The following FAM221A variants were observed in gnomAD, a reference collection of about 807,000 sequenced individuals.
FAM221A encodes the protein protein FAM221A.
FAM221A carries 43 observed loss-of-function variants against 37.6 expected under a neutral mutation model. The ratio of observed to expected loss-of-function variants is 1.15; its 90% confidence interval spans 0.90 to 1.48. The LOEUF (loss-of-function observed/expected upper bound fraction) is 1.48, where lower values mean the gene tolerates loss of function less well. Ranked by LOEUF, FAM221A falls within the 40% of genes most tolerant of loss-of-function variation. The probability of loss-of-function intolerance (pLI) is 0.00; values close to 1 mark genes in which losing one functional copy is unlikely to be tolerated. For synonymous variants in FAM221A, 135 were observed against 132.9 expected, an observed-to-expected ratio of 1.02 and a Z score of -0.11; for missense variants, 361 against 361.5, an observed-to-expected ratio of 1.00 and a Z score of 0.01.
chr7:23,689,944 A>C (rs975001299), intron 3 of FAM221A, among the ~76,000 whole-genome samples: 1 of 151,392 alleles, frequency 6.6e-6, no homozygotes, highest in African/African-American at 2.4e-5. Flanking sequence ...TCCAACCTCT[A>C]CCCCCTTTGC....
chr7:23,700,791 A>G lies in FAM221A; in HGVS notation c.751A>G (p.Thr251Ala), dbSNP rs1584291717. ...SSPETLTDVG[T>A]SSQVSSLRRP... Reference sequence around the variant, plus strand: ...AGATTTTTTTTCCTTGTTAGTAGGTACAAGTAGTCAAGTTTCTTCATTAAG... The same window carrying G: ...AGATTTTTTTTCCTTGTTAGTAGGTGCAAGTAGTCAAGTTTCTTCATTAAG... Residue 251 changes from threonine (T) to alanine (A), a missense_variant, in exon 6 of 7, where the codon ACA (threonine) becomes GCA (alanine). By Grantham distance (58) the Thr-to-Ala change is moderately conservative. Transcript: ENST00000344962. 1 of 1,595,276 alleles carries G rather than the reference A, an allele frequency of 6.3e-7. No homozygotes were observed. Among genetic ancestry groups the G allele is most frequent in the Non-Finnish European group, 8.5e-7 (1 of 1,170,006 alleles).
chr7:23,693,439 T>C (rs1784863546), intron 4 of FAM221A: 1 of 152,138 alleles, frequency 6.6e-6, no homozygotes, highest in African/African-American at 2.4e-5. Context: ...CATTTCACTT[T>C]CTGTGAATTG....
At position 23,700,869 on chromosome 7, in the gene FAM221A, G is replaced by A. The variant is rs776535515; in HGVS notation, c.828+1G>A. On this transcript the variant is annotated splice_donor_variant, in intron 6 of 6. Transcript: ENST00000344962. LOFTEE classifies it high-confidence loss of function. ...CTTTGAAAGACGATACCAGGAAAGG[G>A]TAGGTTTTTGAGGAAATTCAGTTGC... 3 of 1,602,132 alleles carry A rather than the reference G, an allele frequency of 1.9e-6. No homozygotes were observed. The South Asian group carries it at 3.4e-5, about 18-fold the overall frequency.
At chr7:23,690,199 A>ATATATATATATATATATATATT (rs774313037) in intron 3 of FAM221A, among the ~76,000 whole-genome samples, 4 of 48,738 alleles carry the variant, frequency 8.2e-5, no homozygotes, top group Non-Finnish European at 1.1e-4. Context: ...ATATATATAT[A>ATATATATATATATATATATATT]TTTTTTTTTT....
At chr7:23,698,594 C>T (rs1785207623) in intron 5 of FAM221A, among the ~76,000 whole-genome samples, 1 of 152,092 alleles carries the variant, frequency 6.6e-6, no homozygotes, top group Non-Finnish European at 1.5e-5. Context: ...AATAAGAGGG[C>T]CTTCTGGCGG....
intron 2 of FAM221A, chr7:23,688,758 T>G (rs1472279470): frequency 6.6e-6 from 1 of 152,376 alleles, no homozygotes; most frequent in Non-Finnish European, 1.5e-5. Context: ...TGCCTCAGCC[T>G]CCTGAGTAGC....
At chr7:23,690,199 A>ATTT (rs398004023) in intron 3 of FAM221A, among the ~76,000 whole-genome samples, 694 of 48,684 alleles carry the variant, frequency 0.014, 18 homozygotes, top group South Asian at 0.037. Context: ...ATATATATAT[A>ATTT]TTTTTTTTTT....
At chr7:23,695,152 T>A (rs1300103102) in intron 4 of FAM221A, among the ~76,000 whole-genome samples, 1 of 151,234 alleles carries the variant, frequency 6.6e-6, no homozygotes, top group Non-Finnish European at 1.5e-5. Context: ...ACATTTTATA[T>A]TTTTTTTAGA....
At chr7:23,703,207 T>G (rs751331990), downstream of FAM221A, 5 of 152,268 alleles carry the variant, frequency 3.3e-5, no homozygotes, top group Non-Finnish European at 4.4e-5. Flanking sequence ...CTCCCTCTAG[T>G]TCCCTCAGAT....
chr7:23,699,559 T>TTTTTTTTTA (rs1785275663), intron 5 of FAM221A, among the ~76,000 whole-genome samples: 1 of 109,498 alleles, frequency 9.1e-6, no homozygotes, highest in Admixed American at 1.0e-4. Context: ...TTTTTTTTTT[T>TTTTTTTTTA]TGAGACAGAG....
At chr7:23,696,572 T>C (rs6975743) in intron 4 of FAM221A, among the ~76,000 whole-genome samples, 21,475 of 152,114 alleles carry the variant, frequency 0.14, 1,660 homozygotes, top group Middle Eastern at 0.19. Flanking sequence ...TCAAAGTAAA[T>C]AAATAAAATG....
chr7:23,684,358 C>T (rs1784240365), intron 1 of FAM221A, 141 bp from the exon 2 acceptor site: 1 of 662,204 alleles, frequency 1.5e-6, no homozygotes, highest in South Asian at 2.4e-5. Context: ...TTACAGAGAC[C>T]CGGCCTGCCA....
chr7:23,688,638 T>A (rs1390660484), intron 2 of FAM221A: 1 of 146,962 alleles, frequency 6.8e-6, no homozygotes, highest in African/African-American at 2.5e-5. Context: ...CTTTTTCTTT[T>A]CTTTTTTTTT....
At chr7:23,699,372 C>T (rs1785261593) in intron 5 of FAM221A, among the ~76,000 whole-genome samples, 1 of 151,834 alleles carries the variant, frequency 6.6e-6, no homozygotes, top group Non-Finnish European at 1.5e-5. Context: ...CCTCCTGCCT[C>T]AGCTTCCCAA....
chr7:23,685,853 T>A (rs970108954), intron 2 of FAM221A, among the ~76,000 whole-genome samples: 1 of 152,240 alleles, frequency 6.6e-6, no homozygotes, highest in Non-Finnish European at 1.5e-5. Context: ...TCAGAATACC[T>A]AAGCTGCTTC....
chr7:23,696,824 G>C (rs1041926313), intron 4 of FAM221A, among the ~76,000 whole-genome samples: 1 of 152,178 alleles, frequency 6.6e-6, no homozygotes, highest in Non-Finnish European at 1.5e-5. Flanking sequence ...CAGATTTTTA[G>C]CCATGTGGAT....
rs774274605 is a variant in FAM221A, at chr7:23,689,291, T to G, written c.262T>G (p.Leu88Val). Reference protein sequence around the residue: ...THRYKQHKTDLEAIPQQCPID... With the variant: ...THRYKQHKTDVEAIPQQCPID... ...TAGGTATAAACAACATAAAACTGAC[T>G]TGGAAGCGATTCCTCAGCAGTGCCC... is the stretch of plus-strand genomic sequence containing the variant. Residue 88 changes from leucine to valine, a missense_variant, in exon 3 of 7, where the codon TTG becomes GTG. Coordinates refer to ENST00000344962, the MANE Select transcript of FAM221A (RefSeq NM_199136.5). 1 of 1,565,058 alleles carries G rather than the reference T, an allele frequency of 6.4e-7. No homozygotes were observed. Among genetic ancestry groups the G allele is most frequent in the South Asian group, 1.1e-5 (1 of 87,088 alleles).
chr7:23,699,917 A>G (rs923748586), intron 5 of FAM221A, among the ~76,000 whole-genome samples: 3 of 152,200 alleles, frequency 2.0e-5, no homozygotes, highest in South Asian at 2.1e-4. Flanking sequence ...ATGCAACTCA[A>G]TGTAGATGAG....
intron 1 of FAM221A, among the ~76,000 whole-genome samples, chr7:23,683,070 G>A (rs925261471): frequency 4.0e-5 from 6 of 151,882 alleles, no homozygotes; most frequent in African/African-American, 1.2e-4. Flanking sequence ...ATTTTCTACC[G>A]CAGCTAAAGG....
Sources: allele counts gnomAD v4.1 joint callset (sites outside exome capture counted in the v4.1 genomes callset), GRCh38; gene constraint gnomAD v4.1.1; transcripts MANE v1.5; gene names NCBI Gene and HGNC (gene_info 2026-07-23, HGNC 2026-07-21).